RGMA: variants seen among roughly 807,000 people sequenced by gnomAD.
The protein encoded by RGMA is repulsive guidance molecule A.
Under a neutral mutation model 23.2 loss-of-function variants are expected in RGMA, and 10 were observed. The observed-to-expected ratio is 0.43, with a 90% CI of 0.27 to 0.73. RGMA has a LOEUF of 0.73. Ranked by LOEUF, RGMA falls within the 30% of genes least tolerant of loss-of-function variation. The probability of loss-of-function intolerance (pLI) is 0.20; values close to 1 mark genes in which losing one functional copy is unlikely to be tolerated. For synonymous variants in RGMA, 308 were observed against 279.3 expected (o/e 1.10, Z -1.03); for missense variants, 547 against 630.5 (o/e 0.87, Z 1.42).
chr15:93,073,316 G>A (rs1322217197), intron 1 of RGMA, among the ~76,000 whole-genome samples: 1 of 151,784 alleles, frequency 6.6e-6, no homozygotes, highest in East Asian at 2.0e-4. Flanking sequence ...GCGGCCGGGC[G>A]GGGACCCAGG....
At position 93,041,121 on chromosome 15, in the gene RGMA, T is replaced by G. The variant is rs1442856287; in HGVS notation, c.*3877A>C. ...TGGCTCTGACGGGTCTCTGCCCAAG[T>G]GTTCTGGTAATGATTTTCACCCCCC... is the stretch of plus-strand genomic sequence containing the variant. On this transcript the variant is annotated 3_prime_UTR_variant, in exon 4 of 4. Coordinates refer to ENST00000329082, the MANE Select transcript of RGMA (RefSeq NM_020211.3). 6.5e-6 allele frequency: 1 copy of G among 153,108 alleles called. No homozygotes were observed. Among genetic ancestry groups the G allele is most frequent in the Non-Finnish European group, 1.5e-5 (1 of 68,906 alleles). 9.5% of individuals were successfully genotyped at this position (153,108 alleles called of 1,614,324 possible).
At chr15:93,066,326 G>T in intron 2 of RGMA, 1 of 829,798 alleles carries the variant, frequency 1.2e-6, no homozygotes. Context: ...TCCGGACGTT[G>T]AACCATTTGA....
At chr15:93,053,750 A>G (rs1389616821) in intron 2 of RGMA, among the ~76,000 whole-genome samples, 2 of 152,188 alleles carry the variant, frequency 1.3e-5, no homozygotes, top group East Asian at 3.8e-4. Context: ...CTACTGGAGC[A>G]CAAGTCACCT....
chr15:93,065,673 C>A, intron 2 of RGMA: 1 of 1,102,448 alleles, frequency 9.1e-7, no homozygotes, highest in East Asian at 3.2e-5. Flanking sequence ...GGGCCTGCTG[C>A]CCTCTCTGCT....
At chr15:93,048,641 T>C (rs918622113) in intron 3 of RGMA, among the ~76,000 whole-genome samples, 4 of 152,172 alleles carry the variant, frequency 2.6e-5, no homozygotes, top group Non-Finnish European at 5.9e-5. Context: ...CCATCCAGCA[T>C]GGAGCCCTAA....
chr15:93,053,258 C>A (rs539359346), intron 2 of RGMA, among the ~76,000 whole-genome samples: 1 of 152,352 alleles, frequency 6.6e-6, no homozygotes, highest in African/African-American at 2.4e-5. Context: ...AATGACCGTG[C>A]CCCAGAACTA....
chr15:93,052,213 G>T lies in RGMA; in HGVS notation c.425C>A (p.Pro142His). Reference sequence around the variant, plus strand: ...GCTCTTCTCGTAATGGCAGATCTCGGGGCTGTCCGAGCGCTCCTGGCTGTC... The same window carrying T: ...GCTCTTCTCGTAATGGCAGATCTCGTGGCTGTCCGAGCGCTCCTGGCTGTC... ...AGDSQERSDS[P>H]EICHYEKSFH... Residue 142 changes from proline to histidine, a missense_variant, in exon 3 of 4, where the codon CCC becomes CAC. Coordinates refer to ENST00000329082, the MANE Select transcript of RGMA (RefSeq NM_020211.3). The T allele has an allele frequency of 6.2e-7, 1 of 1,609,608 alleles. No homozygotes were observed.
In RGMA at chr15:93,045,162, C is replaced by T; in HGVS notation, c.1189G>A (p.Ala397Thr). Reference protein sequence around the residue: ...DVNFTLAAYYALEDVKMLHSN... With the variant: ...DVNFTLAAYYTLEDVKMLHSN... ...TGGAGCATCTTGACATCCTCCAACG[C>T]GTAGTAGGCGGCCAGTGTGAAGTTC... Residue 397 changes from alanine (A) to threonine (T), a missense_variant, in exon 4 of 4, where the codon GCG (alanine) becomes ACG (threonine). By Grantham distance (58) the Ala-to-Thr change is moderately conservative. Transcript: ENST00000329082. This position sits in a 1 kb window ranked among gnomAD's most constrained non-coding sequence, Gnocchi z 6.9. The T allele has an allele frequency of 1.9e-6, 3 of 1,606,436 alleles. No individual in the cohort carries two copies. The highest frequency in any genetic ancestry group is 2.5e-6 in the Non-Finnish European group (3 of 1,176,520).
In RGMA at chr15:93,038,533, C is replaced by T. The variant is rs1357159038; in HGVS notation, c.*6465G>A. ...GGTGGCGTGGCATGCAGGAGCTGCC[C>T]CATGGACATTGCCTTAATGAACGAA... On this transcript the variant is annotated 3_prime_UTR_variant, in exon 4 of 4. Coordinates refer to ENST00000329082, the MANE Select transcript of RGMA (RefSeq NM_020211.3). 2 of 147,620 alleles carry T rather than the reference C, an allele frequency of 1.4e-5. No homozygotes were observed. The highest frequency in any genetic ancestry group is 3.0e-5 in the Non-Finnish European group (2 of 66,532). The allele number at this position is 147,620 out of a possible 1,614,324, so 9.1% of individuals were successfully genotyped here. A position where few individuals can be genotyped will look rare whatever the true frequency, so the allele number is the denominator to read the frequency against.
chr15:93,050,744 G>T (rs1012859486), intron 3 of RGMA, among the ~76,000 whole-genome samples: 3 of 152,162 alleles, frequency 2.0e-5, no homozygotes, highest in African/African-American at 7.2e-5. Flanking sequence ...GCCACCTGGG[G>T]TCCACATCCC....
chr15:93,080,593 T>A (rs1272146836), intron 1 of RGMA, among the ~76,000 whole-genome samples: 1 of 152,104 alleles, frequency 6.6e-6, no homozygotes, highest in Non-Finnish European at 1.5e-5. Context: ...CCCTACTCCA[T>A]CCTCTTGCTC....
intron 3 of RGMA, among the ~76,000 whole-genome samples, chr15:93,050,189 G>C (rs943341185): frequency 3.9e-5 from 6 of 152,186 alleles, no homozygotes; most frequent in Non-Finnish European, 8.8e-5. Context: ...TAGCCTGGGA[G>C]CTTCTGGGAG....
At chr15:93,057,366 T>G (rs1203653399) in intron 2 of RGMA, among the ~76,000 whole-genome samples, 1 of 152,048 alleles carries the variant, frequency 6.6e-6, no homozygotes, top group African/African-American at 2.4e-5. Context: ...ACAGGGTTGG[T>G]GCCCTTAAAA....
At chr15:93,088,501 C>T (rs1895679493) in intron 1 of RGMA, 2 of 993,218 alleles carry the variant, frequency 2.0e-6, no homozygotes, top group Non-Finnish European at 2.4e-6. Context: ...CAGGCAGCTC[C>T]GCAGCCGGGC....
intron 3 of RGMA, among the ~76,000 whole-genome samples, chr15:93,049,503 G>A (rs758842570): frequency 6.6e-6 from 1 of 152,202 alleles, no homozygotes; most frequent in African/African-American, 2.4e-5. Context: ...GGGCACAGAA[G>A]GCTGTCCCAC....
chr15:93,077,637 C>A (rs533420381), intron 1 of RGMA, among the ~76,000 whole-genome samples: 1 of 152,198 alleles, frequency 6.6e-6, no homozygotes, highest in Non-Finnish European at 1.5e-5. Context: ...AACATAGGAT[C>A]GGTTTAGGGC....
chr15:93,080,896 T>TC (rs1260357314), intron 1 of RGMA, among the ~76,000 whole-genome samples: 1 of 151,892 alleles, frequency 6.6e-6, no homozygotes, highest in African/African-American at 2.4e-5. Context: ...AATGAAAGTC[T>TC]CCCCCCGACC....
chr15:93,068,778 T>C (rs55937826), intron 2 of RGMA, among the ~76,000 whole-genome samples: 22,714 of 152,176 alleles, frequency 0.15, 2,109 homozygotes, highest in Middle Eastern at 0.3. Flanking sequence ...AGGAGGGATC[T>C]GGGAAGTGAT....
chr15:93,058,897 T>G (rs566367660), intron 2 of RGMA, among the ~76,000 whole-genome samples: 1 of 151,976 alleles, frequency 6.6e-6, no homozygotes, highest in African/African-American at 2.4e-5. Flanking sequence ...CATAGGGAGG[T>G]TGGGTAGGTA....
Sources: gnomAD v4.1 joint callset for allele counts (sites outside exome capture counted in the v4.1 genomes callset) on GRCh38, gnomAD v4.1.1 for gene constraint, Gnocchi (gnomAD v3.1) non-coding constraint, MANE v1.5 for transcripts, NCBI Gene and HGNC (gene_info 2026-07-23, HGNC 2026-07-21) for gene names.